ZNF385C: variants seen among roughly 807,000 people sequenced by gnomAD.
ZNF385C encodes CTD-2132N18.2.
A neutral mutation model predicts 35.4 loss-of-function variants in ZNF385C; 28 were observed. The observed-to-expected ratio is 0.79, with a 90% CI of 0.59 to 1.08. ZNF385C has a LOEUF of 1.08. Among genes scored for constraint, ZNF385C ranks in the 50% least tolerant of loss-of-function variants. ZNF385C has a pLI of 0.00. For missense variants in ZNF385C, 605 were observed against 595.6 expected (o/e 1.02, Z -0.16); for synonymous variants, 248 against 248.2 (o/e 1.00, Z 0.01).
chr17:42,056,879 A>G (rs1260163126), intron 2 of ZNF385C, among the ~76,000 whole-genome samples: 2 of 151,398 alleles, frequency 1.3e-5, no homozygotes, highest in African/African-American at 4.9e-5. Flanking sequence ...AATCCATTAA[A>G]CCTCTTTCTT....
At chr17:42,079,503 A>C (rs75711733) in intron 1 of ZNF385C, among the ~76,000 whole-genome samples, 1 of 111,148 alleles carries the variant, frequency 9.0e-6, no homozygotes, top group Non-Finnish European at 2.2e-5. Flanking sequence ...CTATCTTTAC[A>C]AAAAAAAAAA....
At chr17:42,092,291 C>T (rs953169057) in intron 1 of ZNF385C, among the ~76,000 whole-genome samples, 1 of 152,096 alleles carries the variant, frequency 6.6e-6, no homozygotes, top group Non-Finnish European at 1.5e-5. Flanking sequence ...ATCCCAGCTA[C>T]TCAGGAGGCT....
At chr17:42,029,854 C>T (rs1250791405) in intron 5 of ZNF385C, among the ~76,000 whole-genome samples, 1 of 151,408 alleles carries the variant, frequency 6.6e-6, no homozygotes, top group South Asian at 2.1e-4. Flanking sequence ...GGTGACACAG[C>T]GAAACACCAT....
chr17:42,050,461 C>G lies in ZNF385C; in HGVS notation c.250+12346G>C, dbSNP rs2053257703. The stretch of plus-strand genomic sequence containing the variant: ...CGGTGACAGAGCCCTCGGTGGGTCC[C>G]GCAGAGGCACTGAGCCTCCGCCCGC... On this transcript the variant is annotated intron_variant, in intron 2 of 8. Transcript: ENST00000692273. This position sits in a 1 kb window ranked among gnomAD's most constrained non-coding sequence, Gnocchi z 5.6. 6.6e-6 allele frequency: 1 copy of G among 152,102 alleles called. No homozygotes were observed. The highest frequency in any genetic ancestry group is 1.5e-5 in the Non-Finnish European group (1 of 67,998). The allele number at this position is 152,102 out of a possible 1,614,324, so 9.4% of individuals were successfully genotyped here.
At chr17:42,040,212 G>A (rs1228964414) in intron 2 of ZNF385C, 51 of 1,231,482 alleles carry the variant, frequency 4.1e-5, no homozygotes, top group Middle Eastern at 3.1e-4. Context: ...GCGAAGGCCC[G>A]GGGTAGGAGT....
At chr17:42,082,500 C>T (rs1259519842) in intron 1 of ZNF385C, among the ~76,000 whole-genome samples, 3 of 152,244 alleles carry the variant, frequency 2.0e-5, no homozygotes, top group Non-Finnish European at 4.4e-5. Flanking sequence ...TCCCAGGATT[C>T]CTCTTGTGGC....
intron 3 of ZNF385C, among the ~76,000 whole-genome samples, chr17:42,036,980 T>A (rs1421889849): frequency 1.3e-5 from 2 of 152,184 alleles, no homozygotes; most frequent in African/African-American, 4.8e-5. Flanking sequence ...TGATCCCTCA[T>A]ATAGTGAATT....
chr17:42,080,147 A>T (rs2053733045), intron 1 of ZNF385C, among the ~76,000 whole-genome samples: 1 of 152,200 alleles, frequency 6.6e-6, no homozygotes, highest in African/African-American at 2.4e-5. Context: ...TCTCTCCAGA[A>T]TATTAGCTGC....
intron 2 of ZNF385C, among the ~76,000 whole-genome samples, chr17:42,060,308 G>A (rs1280016079): frequency 1.3e-5 from 2 of 152,040 alleles, no homozygotes; most frequent in East Asian, 3.9e-4. Flanking sequence ...TCCTTCTTAT[G>A]TACCCTCGAG....
In ZNF385C at chr17:42,026,831, G is replaced by T; in HGVS notation, c.*66C>A. 1 of 1,437,684 alleles carries T rather than the reference G, an allele frequency of 7.0e-7. No homozygotes were observed. The highest frequency in any genetic ancestry group is 1.4e-5 in the African/African-American group (1 of 70,958). The allele number at this position is 1,437,684 out of a possible 1,614,324, so 89.1% of individuals were successfully genotyped here. ...TCCCTGTGGCATGTAGGAAACCAAG[G>T]TGTCTCAGGACAGGAGGAGACAAGG... On this transcript the variant is annotated 3_prime_UTR_variant, in exon 9 of 9. Coordinates refer to ENST00000692273, the MANE Select transcript of ZNF385C (RefSeq NM_001392013.1).
intron 2 of ZNF385C, chr17:42,040,675 G>C: frequency 8.1e-7 from 1 of 1,232,280 alleles, no homozygotes; most frequent in Non-Finnish European, 1.0e-6. Flanking sequence ...GGAGGCCCAG[G>C]GCACTGGCCG....
chr17:42,095,178 A>G lies in ZNF385C; in HGVS notation c.-3+3232T>C, dbSNP rs1236282783. Among the ~76,000 whole-genome samples, 1 of 152,196 alleles carries G rather than the reference A, an allele frequency of 6.6e-6. No homozygotes were observed. The highest frequency in any genetic ancestry group is 2.4e-5 in the African/African-American group (1 of 41,442). On this transcript the variant is annotated intron_variant, in intron 1 of 8. Transcript: ENST00000692273. The surrounding 1 kb of genome is among the most constrained non-coding windows in gnomAD (Gnocchi z 4.4). ...TGTTCCTCAAATAGCCCAATCAGAA[A>G]CAATGAGTGAGCAGAGACAGCCACA... is the stretch of plus-strand genomic sequence containing the variant.
chr17:42,079,202 A>AT (rs1567995814), intron 1 of ZNF385C, among the ~76,000 whole-genome samples: 32 of 106,662 alleles, frequency 3.0e-4, no homozygotes, highest in East Asian at 9.0e-4. Context: ...AAAAAAAAAA[A>AT]AATATATATA....
intron 1 of ZNF385C, among the ~76,000 whole-genome samples, chr17:42,074,655 C>T (rs1303503230): frequency 2.0e-5 from 3 of 152,242 alleles, no homozygotes; most frequent in South Asian, 2.1e-4. Flanking sequence ...TCCCAAAGTG[C>T]TGGGATTACA....
chr17:42,026,833 G>T lies in ZNF385C; in HGVS notation c.*64C>A. 6.8e-7 allele frequency: 1 copy of T among 1,470,176 alleles called. No homozygotes were observed. Among genetic ancestry groups the T allele is most frequent in the Non-Finnish European group, 9.3e-7 (1 of 1,072,156 alleles). The allele number at this position is 1,470,176 out of a possible 1,614,324, so 91.1% of individuals were successfully genotyped here. On this transcript the variant is annotated 3_prime_UTR_variant, in exon 9 of 9. Transcript: ENST00000692273. The stretch of plus-strand genomic sequence containing the variant: ...CCTGTGGCATGTAGGAAACCAAGGT[G>T]TCTCAGGACAGGAGGAGACAAGGAG...
rs1555660466 is a variant in ZNF385C at position 42,090,697 on chromosome 17, A to ATCC, written c.-3+7712_-3+7713insGGA. 2.0e-4 allele frequency among the ~76,000 whole-genome samples: 31 copies of ATCC among 151,898 alleles called. No homozygotes were observed. The East Asian group carries it at 4.8e-3, about 23-fold the overall frequency. On this transcript the variant is annotated intron_variant, in intron 1 of 8. Transcript: ENST00000692273. ...ATCACGAGGTCAGGAGATCGAGACC[A>ATCC]TGGTGAAACCCCATCTCTACTAAAA... is the stretch of plus-strand genomic sequence containing the variant.
In ZNF385C at chr17:42,027,146, GAA is replaced by G; in HGVS notation, c.1276-15_1276-14del. On this transcript the variant is annotated splice_polypyrimidine_tract_variant and intron_variant, in intron 8 of 8. Transcript: ENST00000692273. ...AGGCCAGTTTAGACTACACGGAAAA[GAA>G]AGGAATGGACACAGTCTCCACCCCA... 1 of 1,610,752 alleles carries G rather than the reference GAA, an allele frequency of 6.2e-7. No individual in the cohort carries two copies. Among genetic ancestry groups the G allele is most frequent in the Non-Finnish European group, 8.5e-7 (1 of 1,177,722 alleles).
intron 1 of ZNF385C, among the ~76,000 whole-genome samples, chr17:42,075,087 C>G (rs1042276076): frequency 8.5e-5 from 13 of 152,188 alleles, no homozygotes; most frequent in African/African-American, 3.1e-4. Flanking sequence ...ACTCCACCTT[C>G]CACAGCCAGA....
At chr17:42,091,983 A>G (rs2053867437) in intron 1 of ZNF385C, among the ~76,000 whole-genome samples, 1 of 152,178 alleles carries the variant, frequency 6.6e-6, no homozygotes, top group Non-Finnish European at 1.5e-5. Context: ...CAGCTCCAGC[A>G]TGGTCTGGCA....
Sources: allele counts gnomAD v4.1 joint callset (sites outside exome capture counted in the v4.1 genomes callset), GRCh38; gene constraint gnomAD v4.1.1; non-coding constraint Gnocchi (gnomAD v3.1); transcripts MANE v1.5; gene names NCBI Gene and HGNC (gene_info 2026-07-23, HGNC 2026-07-21).